Variants in EYA1 observed in about 807,000 individuals in gnomAD.
EYA1 encodes EYA transcriptional coactivator and phosphatase 1.
EYA1 carries 16 observed loss-of-function variants against 82.0 expected under a neutral mutation model. The observed-to-expected ratio is 0.20, with a 90% CI of 0.13 to 0.30. The LOEUF is 0.30. Ranked by LOEUF, EYA1 falls within the 10% of genes least tolerant of loss-of-function variation. The pLI is 1.00. For synonymous variants in EYA1, 261 were observed against 264.4 expected (o/e 0.99, Z 0.12); for missense variants, 633 against 730.7 (o/e 0.87, Z 1.54).
chr8:71,387,851 T>C (rs1829051671), intron 2 of EYA1, among the ~76,000 whole-genome samples: 1 of 152,082 alleles, frequency 6.6e-6, no homozygotes, highest in South Asian at 2.1e-4. Context: ...GACTAAAGCA[T>C]GAGGGCAGTG....
At chr8:71,420,952 A>T (rs139236406) in intron 2 of EYA1, among the ~76,000 whole-genome samples, 3 of 152,172 alleles carry the variant, frequency 2.0e-5, no homozygotes, top group African/African-American at 7.2e-5. Context: ...TAGACTAGGC[A>T]TACTCTTGAT....
chr8:71,434,362 C>T (rs1805848587), intron 2 of EYA1, among the ~76,000 whole-genome samples: 1 of 152,122 alleles, frequency 6.6e-6, no homozygotes, highest in East Asian at 1.9e-4. Context: ...TCTCAGTTTT[C>T]TGTAAACCTG....
chr8:71,477,362 C>T (rs1809741709), intron 2 of EYA1, among the ~76,000 whole-genome samples: 1 of 152,074 alleles, frequency 6.6e-6, no homozygotes, highest in African/African-American at 2.4e-5. Context: ...ACTCTCACAA[C>T]TCAGCTATAA....
intron 2 of EYA1, among the ~76,000 whole-genome samples, chr8:71,419,872 G>A (rs1291481020): frequency 6.6e-6 from 1 of 151,932 alleles, no homozygotes; most frequent in Non-Finnish European, 1.5e-5. Flanking sequence ...TTTAAAAACT[G>A]GAAGTCTAGA....
At chr8:71,244,756 C>G (rs1812872531) in intron 11 of EYA1, 64 bp from the exon 12 acceptor site, 1 of 975,760 alleles carries the variant, frequency 1.0e-6, no homozygotes, top group Admixed American at 1.8e-5. Context: ...GAGAGTGTCT[C>G]ATTAAGAGGA....
At chr8:71,356,340 T>C in intron 2 of EYA1, 122 bp downstream of exon 2, 1 of 807,938 alleles carries the variant, frequency 1.2e-6, no homozygotes, top group Non-Finnish European at 2.0e-6. Flanking sequence ...CACAAACTGT[T>C]AAGTAATTTC....
At chr8:71,468,503 C>T (rs755033237) in intron 2 of EYA1, among the ~76,000 whole-genome samples, 23 of 152,066 alleles carry the variant, frequency 1.5e-4, no homozygotes, top group Non-Finnish European at 2.2e-4. Flanking sequence ...ACTTGTCTAA[C>T]GATTGTTTTC....
intron 2 of EYA1, among the ~76,000 whole-genome samples, chr8:71,367,553 A>G (rs1586563154): frequency 8.4e-4 from 20 of 23,930 alleles, no homozygotes; most frequent in Middle Eastern, 0.016. Flanking sequence ...CCCAAATCGG[A>G]AAAAAAAAAA....
intron 2 of EYA1, among the ~76,000 whole-genome samples, chr8:71,440,162 T>C (rs961414168): frequency 5.3e-5 from 8 of 152,068 alleles, no homozygotes; most frequent in African/African-American, 1.2e-4. Flanking sequence ...CGCAACACAA[T>C]TCGGACTGCT....
chr8:71,446,560 T>C (rs1469135497), intron 2 of EYA1, among the ~76,000 whole-genome samples: 1 of 152,188 alleles, frequency 6.6e-6, no homozygotes, highest in Admixed American at 6.5e-5. Flanking sequence ...CCTCAAGAAA[T>C]TCCACTATTG....
At chr8:71,496,724 C>T (rs1335044240) in intron 2 of EYA1, among the ~76,000 whole-genome samples, 2 of 152,142 alleles carry the variant, frequency 1.3e-5, no homozygotes. Flanking sequence ...AGTGGCCCAG[C>T]TTTTACCCTC....
At chr8:71,279,409 CAG>C (rs533924816) in intron 9 of EYA1, among the ~76,000 whole-genome samples, 251 of 152,212 alleles carry the variant, frequency 1.6e-3, no homozygotes, top group Non-Finnish European at 1.5e-3. Flanking sequence ...ATACCAAGGC[CAG>C]ATCAGGAAGA....
intron 2 of EYA1, among the ~76,000 whole-genome samples, chr8:71,423,710 T>C (rs1360806593): frequency 6.6e-6 from 1 of 152,190 alleles, no homozygotes; most frequent in Non-Finnish European, 1.5e-5. Context: ...CTATTTAAAA[T>C]TAATGAATTT....
chr8:71,379,591 C>T (rs561339521), intron 2 of EYA1, among the ~76,000 whole-genome samples: 1 of 152,128 alleles, frequency 6.6e-6, no homozygotes, highest in Non-Finnish European at 1.5e-5. Context: ...AATAAAGTTA[C>T]CCTCATTTCA....
intron 2 of EYA1, among the ~76,000 whole-genome samples, chr8:71,468,317 C>A (rs1808924902): frequency 6.6e-6 from 1 of 152,056 alleles, no homozygotes; most frequent in African/African-American, 2.4e-5. Context: ...TATGGTTTAG[C>A]TCCTATCTTT....
At chr8:71,389,204 T>A (rs1829137614) in intron 2 of EYA1, among the ~76,000 whole-genome samples, 1 of 152,142 alleles carries the variant, frequency 6.6e-6, no homozygotes, top group Non-Finnish European at 1.5e-5. Context: ...CTCATGATAT[T>A]TTCATTGTTT....
intron 2 of EYA1, among the ~76,000 whole-genome samples, chr8:71,407,394 G>C (rs1254902796): frequency 6.8e-6 from 1 of 146,006 alleles, no homozygotes; most frequent in Non-Finnish European, 1.5e-5. Flanking sequence ...GACGAGCTGA[G>C]AGAAGAAGGT....
chr8:71,537,688 C>G (rs1814814483), intron 1 of EYA1, among the ~76,000 whole-genome samples: 1 of 152,142 alleles, frequency 6.6e-6, no homozygotes. Flanking sequence ...CCATAAATTC[C>G]CATCCTTTCC....
At chr8:71,423,477 T>C (rs1389250995) in intron 2 of EYA1, among the ~76,000 whole-genome samples, 1 of 152,178 alleles carries the variant, frequency 6.6e-6, no homozygotes, top group African/African-American at 2.4e-5. Context: ...GAAAAATCCA[T>C]AGTCAAATTG....
Sources: allele counts gnomAD v4.1 joint callset (sites outside exome capture counted in the v4.1 genomes callset), GRCh38; gene constraint gnomAD v4.1.1; transcripts MANE v1.5; gene names NCBI Gene and HGNC (gene_info 2026-07-23, HGNC 2026-07-21).